The following ZNF33B variants were observed in gnomAD, a reference collection of about 807,000 sequenced individuals.
ZNF33B encodes zinc finger protein 33B.
In ZNF33B, 29 loss-of-function variants were observed where a neutral mutation model predicts 45.8. The ratio of observed to expected loss-of-function variants is 0.63; its 90% CI spans 0.47 to 0.86. The LOEUF (loss-of-function observed/expected upper bound fraction) is 0.86. Ranked by LOEUF, ZNF33B falls within the 40% of genes least tolerant of loss-of-function variation. ZNF33B has a pLI of 0.00. For missense variants in ZNF33B, 831 were observed against 909.9 expected (o/e 0.91, Z 1.12); for synonymous variants, 305 against 307.8 (o/e 0.99, Z 0.10).
downstream of ZNF33B, among the ~76,000 whole-genome samples, chr10:42,587,792 G>C (rs752588783): frequency 6.6e-5 from 10 of 152,208 alleles, no homozygotes; most frequent in Admixed American, 5.2e-4. Context: ...AATCTGGGGA[G>C]AACTGGTACC....
At chr10:42,623,540 C>G (rs747112458) in intron 4 of ZNF33B, among the ~76,000 whole-genome samples, 3 of 152,110 alleles carry the variant, frequency 2.0e-5, no homozygotes, top group Non-Finnish European at 4.4e-5. Flanking sequence ...CAGATGAAAG[C>G]TGAAAGCATC....
intron 4 of ZNF33B, among the ~76,000 whole-genome samples, chr10:42,596,562 G>A (rs1164508810): frequency 6.6e-6 from 1 of 152,054 alleles, no homozygotes; most frequent in African/African-American, 2.4e-5. Flanking sequence ...AAACATGTCA[G>A]CAATATTGAG....
In ZNF33B at chr10:42,632,248, C is replaced by G. The variant is rs778055878; in HGVS notation, c.154+47G>C. Reference sequence around the variant, plus strand: ...ACAGACTGCCTATATGTTTTATAATCAAAATAAACGAATGCTATTTAGAAT... The same window carrying G: ...ACAGACTGCCTATATGTTTTATAATGAAAATAAACGAATGCTATTTAGAAT... On this transcript the variant is annotated intron_variant, in intron 3 of 4. Coordinates refer to ENST00000359467, the MANE Select transcript of ZNF33B (RefSeq NM_006955.3). 5.1e-6 allele frequency: 8 copies of G among 1,576,948 alleles called. No homozygotes were observed. The Admixed American group carries it at 9.7e-5, about 19-fold the overall frequency.
At chr10:42,583,021 G>A in intron 1 of ZNF33B, 3 of 771,180 alleles carry the variant, frequency 3.9e-6, no homozygotes, top group Non-Finnish European at 6.9e-6. Flanking sequence ...GAAGGCCATT[G>A]ATCTTCCAGT....
At chr10:42,597,595 A>AT (rs1236679304) in intron 4 of ZNF33B, among the ~76,000 whole-genome samples, 2 of 152,142 alleles carry the variant, frequency 1.3e-5, no homozygotes, top group Non-Finnish European at 2.9e-5. Flanking sequence ...CAAATGCAAG[A>AT]TAAGTAATTT....
chr10:42,626,983 A>G (rs1490804782), intron 4 of ZNF33B, among the ~76,000 whole-genome samples: 7 of 151,762 alleles, frequency 4.6e-5, no homozygotes, highest in Non-Finnish European at 1.0e-4. Context: ...AAAAACTGCT[A>G]CATTTCTTCT....
intron 4 of ZNF33B, among the ~76,000 whole-genome samples, chr10:42,623,868 T>C (rs1216100918): frequency 6.6e-6 from 1 of 152,256 alleles, no homozygotes; most frequent in Non-Finnish European, 1.5e-5. Context: ...ATTGTCAAAA[T>C]GCTCCAGCAT....
At chr10:42,583,105 G>A in intron 1 of ZNF33B, 1 of 789,676 alleles carries the variant, frequency 1.3e-6, no homozygotes, top group Non-Finnish European at 2.3e-6. Context: ...CAGGATCAGT[G>A]CATGAACACC....
At chr10:42,615,628 TAAGA>T (rs1345770249) in intron 4 of ZNF33B, among the ~76,000 whole-genome samples, 1 of 152,116 alleles carries the variant, frequency 6.6e-6, no homozygotes, top group Admixed American at 6.6e-5. Context: ...GACAATGTTC[TAAGA>T]AACATTGTCG....
chr10:42,612,227 AAG>A (rs1564514135), intron 4 of ZNF33B, among the ~76,000 whole-genome samples: 54 of 139,036 alleles, frequency 3.9e-4, no homozygotes, highest in Non-Finnish European at 6.7e-4. Flanking sequence ...CAGGTTACAG[AAG>A]TTGATTTTTT....
chr10:42,594,323 A>C lies in ZNF33B; in HGVS notation c.627T>G (p.His209Gln), dbSNP rs771852277. 14 of 1,613,908 alleles carry C rather than the reference A, an allele frequency of 8.7e-6. 1 individual carries two copies. In the East Asian group the frequency reaches 3.1e-4, roughly 36 times the overall value. The stretch of plus-strand genomic sequence containing the variant: ...TGTGGTCTAAAGTTTGAATCTTCTC[A>C]TGCTGCAAAGTGTTCTCACGATGAC... ...TLSHRENTLQ[H>Q]EKIQTLDHNF... Residue 209 changes from histidine (H) to glutamine (Q), a missense_variant, in exon 5 of 5, where the codon CAT (histidine) becomes CAG (glutamine). Transcript: ENST00000359467.
intron 4 of ZNF33B, among the ~76,000 whole-genome samples, chr10:42,627,766 C>T (rs1838873850): frequency 1.3e-5 from 2 of 152,082 alleles, no homozygotes; most frequent in South Asian, 4.1e-4. Flanking sequence ...AAATTTGAGG[C>T]CCCTTCTTCA....
At chr10:42,595,657 AGAG>A (rs372370772) in intron 4 of ZNF33B, among the ~76,000 whole-genome samples, 3 of 152,164 alleles carry the variant, frequency 2.0e-5, no homozygotes, top group African/African-American at 7.2e-5. Context: ...CCTTATAAGA[AGAG>A]GAGGAGACTG....
At chr10:42,623,441 A>T (rs1589061608) in intron 4 of ZNF33B, among the ~76,000 whole-genome samples, 1 of 152,256 alleles carries the variant, frequency 6.6e-6, no homozygotes, top group Non-Finnish European at 1.5e-5. Context: ...CATTATTCAC[A>T]ACAGCCAAAA....
intron 1 of ZNF33B, among the ~76,000 whole-genome samples, chr10:42,580,692 G>A (rs1836810745): frequency 1.3e-5 from 2 of 151,170 alleles, no homozygotes; most frequent in East Asian, 2.0e-4. Context: ...AGGCTGAGGT[G>A]GGTGGATCAT....
chr10:42,586,176 C>T (rs1323992797), downstream of ZNF33B, among the ~76,000 whole-genome samples: 34 of 98,712 alleles, frequency 3.4e-4, no homozygotes, highest in South Asian at 8.6e-4. Flanking sequence ...TTTTTTGAGA[C>T]GGAGTCTCGC....
At chr10:42,582,221 G>A (rs190512131) in intron 1 of ZNF33B, 101 of 152,282 alleles carry the variant, frequency 6.6e-4, no homozygotes, top group African/African-American at 2.2e-3. Context: ...TTAGGTTTTT[G>A]GCTCATAGGA....
chr10:42,592,584 C>T lies in ZNF33B; in HGVS notation c.*29G>A, dbSNP rs753764023. On this transcript the variant is annotated 3_prime_UTR_variant, in exon 5 of 5. Transcript: ENST00000359467. ...GACTCTGAGGCATTATGGAGGCTGACTTGTGGCTGGAAATTTCTAATATCC... is the reference window on the plus strand; with the variant it reads ...GACTCTGAGGCATTATGGAGGCTGATTTGTGGCTGGAAATTTCTAATATCC... The T allele has an allele frequency of 1.3e-6, 2 of 1,596,240 alleles. No homozygotes were observed. The highest frequency in any genetic ancestry group is 1.7e-6 in the Non-Finnish European group (2 of 1,171,094).
In ZNF33B at chr10:42,593,730, T is replaced by G; in HGVS notation, c.1220A>C (p.His407Pro). Residue 407 changes from histidine (H) to proline (P), a missense_variant, in exon 5 of 5, where the codon CAT (histidine) becomes CCT (proline). Coordinates refer to ENST00000359467, the MANE Select transcript of ZNF33B (RefSeq NM_006955.3). ...KSALTLHQRTHTGEKPYQCNA... is the reference protein window; with the variant it reads ...KSALTLHQRTPTGEKPYQCNA... ...ACACTGATAGGGTTTCTCCCCTGTA[T>G]GTGTTCTCTGGTGTAATGTGAGGGC... 6.2e-7 allele frequency: 1 copy of G among 1,613,728 alleles called. No homozygotes were observed. Among genetic ancestry groups the G allele is most frequent in the Non-Finnish European group, 8.5e-7 (1 of 1,179,762 alleles).
Sources: gnomAD v4.1 joint callset for allele counts (sites outside exome capture counted in the v4.1 genomes callset) on GRCh38, gnomAD v4.1.1 for gene constraint, MANE v1.5 for transcripts, NCBI Gene and HGNC (gene_info 2026-07-23, HGNC 2026-07-21) for gene names.